Variants in SLC27A5 observed in about 807,000 individuals in gnomAD.
SLC27A5 encodes long-chain fatty acid transport protein 5.
In SLC27A5, 47 loss-of-function variants were observed where a neutral mutation model predicts 63.1. The ratio of observed to expected loss-of-function variants is 0.74; its 90% CI spans 0.59 to 0.95. SLC27A5 has a LOEUF of 0.95. Among genes scored for constraint, SLC27A5 ranks in the 40% least tolerant of loss-of-function variants. The probability of loss-of-function intolerance (pLI) is 0.00; values close to 1 mark genes in which losing one functional copy is unlikely to be tolerated. For synonymous variants in SLC27A5, 391 were observed against 403.8 expected, an observed-to-expected ratio of 0.97 and a Z score of 0.38; for missense variants, 940 against 921.0, an observed-to-expected ratio of 1.02 and a Z score of -0.27.
At chr19:58,505,256 T>C (rs1442241558) in intron 3 of SLC27A5, among the ~76,000 whole-genome samples, 2 of 151,460 alleles carry the variant, frequency 1.3e-5, no homozygotes, top group Admixed American at 6.6e-5. Context: ...CCCACCACCA[T>C]ACCCAGCTAA....
At chr19:58,510,085 A>C in intron 2 of SLC27A5, 80 bp from the exon 3 acceptor site, 2 of 1,438,264 alleles carry the variant, frequency 1.4e-6, no homozygotes, top group Non-Finnish European at 1.9e-6. Context: ...TAGATCTCCA[A>C]CAGCCAGGCC....
At chr19:58,510,574 GAA>G in intron 2 of SLC27A5, 145 bp downstream of exon 2, 3 of 658,040 alleles carry the variant, frequency 4.6e-6, no homozygotes, top group South Asian at 2.4e-5. Flanking sequence ...ACTCTGCCTC[GAA>G]AAAAAAAACA....
At chr19:58,506,569 T>C (rs1459798623) in intron 3 of SLC27A5, among the ~76,000 whole-genome samples, 1 of 151,262 alleles carries the variant, frequency 6.6e-6, no homozygotes, top group Non-Finnish European at 1.5e-5. Context: ...CAGAGAAGTA[T>C]ATGCGAAATT....
rs571438946 is a variant in SLC27A5 at position 58,499,052 on chromosome 19, C to T, written c.1765+71G>A. On this transcript the variant is annotated intron_variant, in intron 8 of 9. Transcript: ENST00000263093. ...CTCTCTGGGCCCTAGCACTTCCCCA[C>T]CTGTAAAATCAGAATAACGACCCCT... is the stretch of plus-strand genomic sequence containing the variant. The T allele has an allele frequency of 8.1e-6, 13 of 1,604,788 alleles. No individual in the cohort carries two copies. The African/African-American group carries it at 1.5e-4, about 18-fold the overall frequency.
rs780762622 is a variant in SLC27A5 at position 58,499,497 on chromosome 19, G to A, written c.1662C>T (p.Thr554=). 3.7e-6 allele frequency: 6 copies of A among 1,613,008 alleles called. No individual in the cohort carries two copies. Among genetic ancestry groups the A allele is most frequent in the Non-Finnish European group, 5.1e-6 (6 of 1,179,998 alleles). ...FLYFRDRLGD[T]FRWKGENVST... ...CGAGAAACCCTGCCTCGGACCGGAA[G>A]GTGTCCCCGAGGCGGTCGCGGAAGT... The change falls in exon 7 of 10, where the codon ACC becomes ACT. Residue 554 remains threonine, a synonymous_variant. Coordinates refer to ENST00000263093, the MANE Select transcript of SLC27A5 (RefSeq NM_012254.3).
chr19:58,511,727 G>T lies in SLC27A5; in HGVS notation c.229C>A (p.Pro77Thr). 6.4e-7 allele frequency: 1 copy of T among 1,555,758 alleles called. No homozygotes were observed. Among genetic ancestry groups the T allele is most frequent in the Non-Finnish European group, 8.7e-7 (1 of 1,149,382 alleles). The part of the protein sequence containing the change: ...AAAALALTLL[P>T]ARLPPGLRWL... ...CGTAGTCCTGGGGGCAGCCGTGCTG[G>T]CAGGAGGGTTAGTGCCAGGGCCGCA... The change falls in exon 1 of 10, where the codon CCA becomes ACA. Residue 77 changes from proline (P) to threonine (T), a missense_variant. Transcript: ENST00000263093.
chr19:58,511,244 C>T lies in SLC27A5; in HGVS notation c.688+24G>A, dbSNP rs757243606. 3 of 1,515,546 alleles carry T rather than the reference C, an allele frequency of 2.0e-6. No homozygotes were observed. The Admixed American group carries it at 6.4e-5, about 32-fold the overall frequency. The allele number at this position is 1,515,546 out of a possible 1,614,324, so 93.9% of individuals were successfully genotyped here. ...GTCCCTGCCCTTGCCCCCTTCCATTCTCCACTGGCTCCAAGGCCCTCACCT... is the reference window on the plus strand; with the variant it reads ...GTCCCTGCCCTTGCCCCCTTCCATTTTCCACTGGCTCCAAGGCCCTCACCT... On this transcript the variant is annotated intron_variant, in intron 1 of 9. Transcript: ENST00000263093.
chr19:58,503,967 T>G (rs571517085), intron 3 of SLC27A5, among the ~76,000 whole-genome samples: 18 of 151,168 alleles, frequency 1.2e-4, no homozygotes, highest in African/African-American at 4.1e-4. Flanking sequence ...ACAAAAAAAT[T>G]AGCTGGGCAT....
At chr19:58,507,979 C>A (rs1478643033) in intron 3 of SLC27A5, 1 of 152,186 alleles carries the variant, frequency 6.6e-6, no homozygotes, top group Non-Finnish European at 1.5e-5. Flanking sequence ...TGAACATAGA[C>A]CCTTATCAGT....
intron 3 of SLC27A5, 58 bp from the exon 4 acceptor site, chr19:58,501,468 T>C (rs964890771): frequency 6.3e-7 from 1 of 1,586,594 alleles, no homozygotes; most frequent in Admixed American, 1.7e-5. Flanking sequence ...TGTAAGAAGC[T>C]GCTTTTAGCA....
At chr19:58,509,680 C>T (rs2053387581) in intron 3 of SLC27A5, 167 bp downstream of exon 3, 3 of 594,592 alleles carry the variant, frequency 5.0e-6, no homozygotes, top group East Asian at 6.2e-5. Context: ...TGTGGGTGTC[C>T]AAGCTTCTGT....
At chr19:58,510,312 G>A (rs931481873) in intron 2 of SLC27A5, 6 of 374,404 alleles carry the variant, frequency 1.6e-5, no homozygotes, top group South Asian at 1.4e-4. Context: ...AGTGGCTCAC[G>A]CCTGTAATCC....
At chr19:58,506,017 G>A (rs2053342499) in intron 3 of SLC27A5, among the ~76,000 whole-genome samples, 1 of 151,744 alleles carries the variant, frequency 6.6e-6, no homozygotes, top group Admixed American at 6.6e-5. Flanking sequence ...CAGGCACGGT[G>A]GTGGGAGCCT....
Position 58,499,536 on chromosome 19 carries a change from GCGGTCCATGGCCAGTACGTCCC to G in SLC27A5, c.1601_1622del (p.Gly534AlafsTer61), listed in dbSNP as rs1568626415. 1 of 1,613,046 alleles carries G rather than the reference GCGGTCCATGGCCAGTACGTCCC, an allele frequency of 6.2e-7. No individual in the cohort carries two copies. On this transcript the variant is annotated frameshift_variant, in exon 7 of 10. Transcript: ENST00000263093. LOFTEE classifies it high-confidence loss of function. Reference sequence around the variant, plus strand: ...GGTCGCGGAAGTAGAGGAAGCCTTCGCGGTCCATGGCCAGTACGTCCCCGGTGTTGTAGTAAACGTCGCCCGA... The same window carrying G: ...GGTCGCGGAAGTAGAGGAAGCCTTCGCGGTGTTGTAGTAAACGTCGCCCGA...
chr19:58,511,798 CG>C lies in SLC27A5; in HGVS notation c.157del (p.Arg53GlyfsTer12). ...CVLLGLAMLA[R>X]PWLGPWVPHG... ...GGGCACCCAGGGGCCGAGCCAGGGC[CG>C]TGCTAACATGGCCAGCCCAAGTAGC... On this transcript the variant is annotated frameshift_variant, in exon 1 of 10. Transcript: ENST00000263093. LOFTEE classifies it high-confidence loss of function. 6.4e-7 allele frequency: 1 copy of C among 1,555,908 alleles called. No individual in the cohort carries two copies. Among genetic ancestry groups the C allele is most frequent in the Non-Finnish European group, 8.7e-7 (1 of 1,150,204 alleles).
At chr19:58,511,188 C>G (rs1204974328) in intron 1 of SLC27A5, 80 bp downstream of exon 1, 3 of 1,427,846 alleles carry the variant, frequency 2.1e-6, no homozygotes, top group Non-Finnish European at 1.9e-6. Context: ...CCAAGGGCCT[C>G]TGCCAGTCCC....
In SLC27A5 at chr19:58,510,015, A is replaced by C; in HGVS notation, c.899-10T>G. 1 of 1,610,932 alleles carries C rather than the reference A, an allele frequency of 6.2e-7. No homozygotes were observed. The highest frequency in any genetic ancestry group is 8.5e-7 in the Non-Finnish European group (1 of 1,178,504). Reference sequence around the variant, plus strand: ...GCTGGCTTCGGGAGGCCTTGGGATGAAGGCATGGCAAGGGCAGGGTGGTGA... The same window carrying C: ...GCTGGCTTCGGGAGGCCTTGGGATGCAGGCATGGCAAGGGCAGGGTGGTGA... On this transcript the variant is annotated splice_polypyrimidine_tract_variant and intron_variant, in intron 2 of 9. Coordinates refer to ENST00000263093, the MANE Select transcript of SLC27A5 (RefSeq NM_012254.3).
intron 3 of SLC27A5, among the ~76,000 whole-genome samples, chr19:58,505,844 G>A (rs768071888): frequency 1.0e-4 from 10 of 97,382 alleles, no homozygotes; most frequent in Non-Finnish European, 2.0e-4. Flanking sequence ...GTGAAACCCC[G>A]ACTCAAAAAA....
In SLC27A5 at chr19:58,500,692, C is replaced by G; in HGVS notation, c.1197G>C (p.Arg399=). 6.2e-7 allele frequency: 1 copy of G among 1,613,514 alleles called. No homozygotes were observed. The stretch of plus-strand genomic sequence containing the variant: ...CCATTGCCAGGCGGACTGTATGTGT[C>G]CGGTCCTCTGGTTGCTACAGGAATG... ...LCNIPQQPED[R]THTVRLAMGN... The change falls in exon 5 of 10, where the codon CGG becomes CGC. Residue 399 remains arginine, a synonymous_variant. Coordinates refer to ENST00000263093, the MANE Select transcript of SLC27A5 (RefSeq NM_012254.3).
Sources: allele counts gnomAD v4.1 joint callset (sites outside exome capture counted in the v4.1 genomes callset), GRCh38; gene constraint gnomAD v4.1.1; transcripts MANE v1.5; gene names NCBI Gene and HGNC (gene_info 2026-07-23, HGNC 2026-07-21).